Variants in PLCH1 observed in about 807,000 individuals in gnomAD.
PLCH1 encodes 1-phosphatidylinositol 4,5-bisphosphate phosphodiesterase eta-1.
PLCH1 carries 60 observed loss-of-function variants against 126.7 expected under a neutral mutation model. That is an observed-to-expected ratio of 0.47 (90% CI 0.38 to 0.59). The LOEUF is 0.59. Among genes scored for constraint, PLCH1 ranks in the 20% least tolerant of loss-of-function variants. PLCH1 has a pLI of 0.00. For synonymous variants in PLCH1, 719 were observed against 734.9 expected, an observed-to-expected ratio of 0.98 and a Z score of 0.35; for missense variants, 1,723 against 2,040.0, an observed-to-expected ratio of 0.84 and a Z score of 2.99.
intron 8 of PLCH1, 60 bp downstream of exon 8, chr3:155,564,855 C>A: frequency 9.4e-7 from 1 of 1,063,166 alleles, no homozygotes; most frequent in Non-Finnish European, 1.5e-6. Flanking sequence ...CTAGACTCGA[C>A]AGACTGATTA....
chr3:155,501,352 C>G (rs571043237), intron 13 of PLCH1, among the ~76,000 whole-genome samples: 8 of 152,294 alleles, frequency 5.3e-5, no homozygotes, highest in African/African-American at 1.4e-4. Flanking sequence ...TTGCTACCCA[C>G]AGAATACAGG....
At position 155,491,546 on chromosome 3, in the gene PLCH1, A is replaced by G. The variant is rs112412542; in HGVS notation, c.2308-678T>C. On this transcript the variant is annotated intron_variant, in intron 18 of 22. Coordinates refer to ENST00000460012, the MANE Select transcript of PLCH1 (RefSeq NM_014996.4). Reference sequence around the variant, plus strand: ...TCAAAGTGCTGGGATTATAAATGTGAGCCACCGTGCCTGGTCAGAAGTATG... The same window carrying G: ...TCAAAGTGCTGGGATTATAAATGTGGGCCACCGTGCCTGGTCAGAAGTATG... 6.2e-4 allele frequency among the ~76,000 whole-genome samples: 95 copies of G among 152,318 alleles called. 1 individual carries two copies. The highest frequency in any genetic ancestry group is 2.2e-3 in the African/African-American group (92 of 41,566).
At chr3:155,679,181 A>C (rs1744316575) in intron 2 of PLCH1, among the ~76,000 whole-genome samples, 1 of 152,208 alleles carries the variant, frequency 6.6e-6, no homozygotes, top group African/African-American at 2.4e-5. Context: ...GAAACAACAA[A>C]TAATTTTCAG....
intron 2 of PLCH1, among the ~76,000 whole-genome samples, chr3:155,667,246 A>G (rs1288688283): frequency 6.6e-6 from 1 of 152,136 alleles, no homozygotes; most frequent in Non-Finnish European, 1.5e-5. Flanking sequence ...CCCCCACTGT[A>G]CACTAAAAAA....
chr3:155,628,484 T>C (rs1737627592), intron 2 of PLCH1, among the ~76,000 whole-genome samples: 1 of 151,352 alleles, frequency 6.6e-6, no homozygotes, highest in Non-Finnish European at 1.5e-5. Flanking sequence ...TGCCATCCCA[T>C]CATTCTTCTG....
intron 2 of PLCH1, among the ~76,000 whole-genome samples, chr3:155,652,697 C>T (rs548894792): frequency 6.6e-6 from 1 of 152,282 alleles, no homozygotes; most frequent in Non-Finnish European, 1.5e-5. Flanking sequence ...CTGATTCCTC[C>T]TCACACCTAT....
chr3:155,650,509 C>G (rs111982575), intron 2 of PLCH1, among the ~76,000 whole-genome samples: 3,840 of 152,208 alleles, frequency 0.025, 93 homozygotes, highest in Non-Finnish European at 0.039. Context: ...GAATTAGCCT[C>G]AAGTCACTGA....
chr3:155,633,109 G>T (rs1431733132), intron 2 of PLCH1, among the ~76,000 whole-genome samples: 1 of 151,996 alleles, frequency 6.6e-6, no homozygotes, highest in Non-Finnish European at 1.5e-5. Context: ...ACAGTCAGGA[G>T]ACGTTTTAGA....
rs570428628 is a variant in PLCH1, at chr3:155,580,101, C to A, written c.771+3371G>T. On this transcript the variant is annotated intron_variant, in intron 6 of 22. Coordinates refer to ENST00000460012, the MANE Select transcript of PLCH1 (RefSeq NM_014996.4). ...GTTAATCAAACCAACATTAACTTAT[C>A]ATTCTATAGCTACCATATTAGCACT... Among the ~76,000 whole-genome samples the A allele has an allele frequency of 3.3e-5, 5 of 152,288 alleles. No individual in the cohort carries two copies. The East Asian group carries it at 9.6e-4, about 29-fold the overall frequency.
At chr3:155,510,113 C>T (rs1174031604) in intron 12 of PLCH1, among the ~76,000 whole-genome samples, 1 of 42,788 alleles carries the variant, frequency 2.3e-5, no homozygotes, top group Non-Finnish European at 3.7e-5. Flanking sequence ...TATGTAATGG[C>T]CTTCTTTGTC....
intron 8 of PLCH1, among the ~76,000 whole-genome samples, chr3:155,554,548 T>A (rs1028186699): frequency 2.4e-3 from 80 of 33,802 alleles, no homozygotes; most frequent in South Asian, 0.023. Context: ...CAATTTCACT[T>A]CTTCTTCTTC....
intron 9 of PLCH1, among the ~76,000 whole-genome samples, chr3:155,552,810 G>C (rs1179547091): frequency 1.3e-5 from 2 of 152,150 alleles, no homozygotes; most frequent in Non-Finnish European, 2.9e-5. Flanking sequence ...CCAGTGTTGA[G>C]GATGAACCAA....
chr3:155,550,791 T>C lies in PLCH1; in HGVS notation c.1191-833A>G, dbSNP rs78538373. Among the ~76,000 whole-genome samples the C allele has an allele frequency of 1.6e-3, 238 of 152,322 alleles. 1 individual carries two copies. The highest frequency in any genetic ancestry group is 5.4e-3 in the African/African-American group (226 of 41,564). On this transcript the variant is annotated intron_variant, in intron 9 of 22. Transcript: ENST00000460012. ...TAGGCAATATATTTAAATCACCTAA[T>C]ATATCAACATATACCAATATTTAAA... is the stretch of plus-strand genomic sequence containing the variant.
chr3:155,597,120 G>T (rs1733076822), intron 2 of PLCH1, among the ~76,000 whole-genome samples: 1 of 140,660 alleles, frequency 7.1e-6, no homozygotes, highest in Non-Finnish European at 1.5e-5. Flanking sequence ...CCCCTTGTTT[G>T]GTAATGGTGC....
At chr3:155,519,363 T>G (rs1720764946) in intron 11 of PLCH1, among the ~76,000 whole-genome samples, 1 of 152,208 alleles carries the variant, frequency 6.6e-6, no homozygotes, top group Non-Finnish European at 1.5e-5. Flanking sequence ...ATCAGGGTTC[T>G]CAATTCCCTT....
At chr3:155,709,937 G>A (rs1051665067) in intron 1 of PLCH1, among the ~76,000 whole-genome samples, 5 of 151,970 alleles carry the variant, frequency 3.3e-5, no homozygotes, top group Non-Finnish European at 2.9e-5. Context: ...ATTTTAATCA[G>A]GTTGTTTACT....
At chr3:155,469,269 G>A (rs36174368) in intron 21 of PLCH1, among the ~76,000 whole-genome samples, 5 of 152,300 alleles carry the variant, frequency 3.3e-5, no homozygotes, top group East Asian at 1.9e-4. Context: ...CTTGGGAAGC[G>A]CAAGGGGTCA....
At chr3:155,613,059 A>G (rs1735343555) in intron 2 of PLCH1, among the ~76,000 whole-genome samples, 2 of 152,192 alleles carry the variant, frequency 1.3e-5, no homozygotes. Context: ...GAGGAGATGG[A>G]TAAGTTTCTA....
At chr3:155,452,046 T>A (rs905415569) in intron 21 of PLCH1, among the ~76,000 whole-genome samples, 11 of 152,094 alleles carry the variant, frequency 7.2e-5, no homozygotes, top group Non-Finnish European at 1.3e-4. Flanking sequence ...TCTCTCTCTA[T>A]CTCCTACTGG....
Sources: allele counts gnomAD v4.1 joint callset (sites outside exome capture counted in the v4.1 genomes callset), GRCh38; gene constraint gnomAD v4.1.1; transcripts MANE v1.5; gene names NCBI Gene and HGNC (gene_info 2026-07-23, HGNC 2026-07-21).